Variants in WDR91 observed in about 807,000 individuals in gnomAD.
WDR91 encodes the protein WD repeat domain 91.
A neutral mutation model predicts 88.4 loss-of-function variants in WDR91; 52 were observed. That is an observed-to-expected ratio of 0.59 (90% CI 0.47 to 0.74). The LOEUF (loss-of-function observed/expected upper bound fraction) is 0.74, where lower values mean the gene tolerates loss of function less well. WDR91 is among the 30% of genes least tolerant of loss of function. The pLI is 0.00. For synonymous variants in WDR91, 362 were observed against 389.5 expected (o/e 0.93, Z 0.83); for missense variants, 824 against 954.5 (o/e 0.86, Z 1.80).
intron 6 of WDR91, chr7:135,199,027 C>T (rs897660818): frequency 2.0e-5 from 3 of 152,220 alleles, no homozygotes; most frequent in African/African-American, 7.2e-5. Context: ...TGAATGCAAA[C>T]AGCTACTCAG....
At chr7:135,195,223 G>A in intron 8 of WDR91, 139 bp from the exon 9 acceptor site, 1 of 841,718 alleles carries the variant, frequency 1.2e-6, no homozygotes, top group Non-Finnish European at 1.8e-6. Context: ...CAAAGGACTG[G>A]TATAGACTAT....
intron 5 of WDR91, among the ~76,000 whole-genome samples, chr7:135,204,899 TG>T (rs1408487405): frequency 1.3e-5 from 2 of 152,154 alleles, no homozygotes; most frequent in South Asian, 2.1e-4. Context: ...AACTTCATCT[TG>T]TTTTTTTTTT....
chr7:135,204,586 AT>A, intron 5 of WDR91, 153 bp from the exon 6 acceptor site: 15 of 758,554 alleles, frequency 2.0e-5, no homozygotes, highest in Admixed American at 3.0e-5. Context: ...CCTTGGCATC[AT>A]TTTTTTGCAC....
intron 13 of WDR91, 57 bp from the exon 14 acceptor site, chr7:135,187,226 C>T: frequency 6.3e-7 from 1 of 1,584,654 alleles, no homozygotes; most frequent in Non-Finnish European, 8.6e-7. Flanking sequence ...ATGCAGGCCT[C>T]AAGGAAGAGC....
chr7:135,208,546 C>T (rs1315218744), intron 3 of WDR91, among the ~76,000 whole-genome samples: 7 of 152,216 alleles, frequency 4.6e-5, no homozygotes, highest in African/African-American at 1.7e-4. Context: ...CACCCCACTG[C>T]TGCCACTGTC....
chr7:135,188,389 A>G (rs1360299272), intron 13 of WDR91, 44 bp downstream of exon 13: 19 of 1,563,970 alleles, frequency 1.2e-5, no homozygotes, highest in Non-Finnish European at 1.7e-5. Context: ...GCCGGCCCAC[A>G]TGTCATCCCG....
chr7:135,198,051 C>T lies in WDR91; in HGVS notation c.992G>A (p.Arg331Gln), dbSNP rs746600123. 3.7e-6 allele frequency: 6 copies of T among 1,614,160 alleles called. No homozygotes were observed. The highest frequency in any genetic ancestry group is 4.5e-5 in the East Asian group (2 of 44,872). Residue 331 changes from arginine (R) to glutamine (Q), a missense_variant, in exon 7 of 15, where the codon CGG (arginine) becomes CAG (glutamine). Coordinates refer to ENST00000354475, the MANE Select transcript of WDR91 (RefSeq NM_014149.4). ...CTCCTTGCCATGGTCCTGCAGGCGC[C>T]GCTGCCGGTGCTGTGACCAACCGGA... is the stretch of plus-strand genomic sequence containing the variant. ...GESGWSQHRQ[R>Q]RLQDHGKERK...
chr7:135,208,712 A>ATTT, intron 3 of WDR91, 79 bp downstream of exon 3: 1 of 1,334,572 alleles, frequency 7.5e-7, no homozygotes, highest in Non-Finnish European at 1.0e-6. Flanking sequence ...AAATGCCTGT[A>ATTT]TGGAGACCAG....
At chr7:135,194,602 G>A (rs537929937) in intron 9 of WDR91, among the ~76,000 whole-genome samples, 45 of 152,288 alleles carry the variant, frequency 3.0e-4, no homozygotes, top group African/African-American at 3.8e-4. Flanking sequence ...GGCCTGGCAC[G>A]GGAGGGCGCC....
In WDR91 at chr7:135,193,647, G is replaced by C. The variant is rs1831257740; in HGVS notation, c.1421C>G (p.Thr474Arg). ...RLLLLGSGVG[T>R]VRLYDTEAKK... ...GGCTTCCGTGTCATAGAGACGCACTGTTCCCACACCACTGCCCAGCAAGAG... is the reference window on the plus strand; with the variant it reads ...GGCTTCCGTGTCATAGAGACGCACTCTTCCCACACCACTGCCCAGCAAGAG... The change falls in exon 10 of 15, where the codon ACA (threonine) becomes AGA (arginine). Residue 474 changes from threonine (T) to arginine (R), a missense_variant. Physicochemically the swap from Thr to Arg is moderately conservative, Grantham distance 71. Transcript: ENST00000354475. The C allele has an allele frequency of 1.2e-6, 2 of 1,614,006 alleles. No individual in the cohort carries two copies. Among genetic ancestry groups the C allele is most frequent in the Non-Finnish European group, 1.7e-6 (2 of 1,180,000 alleles).
intron 6 of WDR91, chr7:135,201,362 A>G (rs1258730697): frequency 6.6e-6 from 1 of 152,000 alleles, no homozygotes; most frequent in East Asian, 1.9e-4. Context: ...ACTAAAAAAA[A>G]AAAAAAAAAA....
chr7:135,206,126 T>C, intron 4 of WDR91, 68 bp from the exon 5 acceptor site: 2 of 1,604,980 alleles, frequency 1.2e-6, no homozygotes, highest in Non-Finnish European at 1.7e-6. Context: ...GGAAGATTTC[T>C]AGACACATCG....
At chr7:135,192,115 T>G (rs439240) in intron 11 of WDR91, among the ~76,000 whole-genome samples, 3,059 of 24,438 alleles carry the variant, frequency 0.13, 191 homozygotes, top group African/African-American at 0.19. Context: ...TGTGTTTTTT[T>G]TTTTTTTTTT....
Position 135,211,517 on chromosome 7 carries a change from C to T in WDR91, c.-15G>A, listed in dbSNP as rs1832024237. ...GCCTCCGCCATCGCAGCGCTAGCGTCTTTAGGGGTGGTGCGGTGAGGGACG... is the reference window on the plus strand; with the variant it reads ...GCCTCCGCCATCGCAGCGCTAGCGTTTTTAGGGGTGGTGCGGTGAGGGACG... On this transcript the variant is annotated 5_prime_UTR_variant, in exon 1 of 15. Coordinates refer to ENST00000354475, the MANE Select transcript of WDR91 (RefSeq NM_014149.4). The T allele has an allele frequency of 5.6e-6, 9 of 1,606,766 alleles. No homozygotes were observed. Among genetic ancestry groups the T allele is most frequent in the East Asian group, 4.5e-5 (2 of 44,552 alleles).
chr7:135,186,856 C>T, intron 14 of WDR91, 116 bp downstream of exon 14: 1 of 1,259,436 alleles, frequency 7.9e-7, no homozygotes, highest in East Asian at 2.3e-5. Context: ...AAAGGCATCT[C>T]CACAGCCATG....
rs773167207 is a variant in WDR91, at chr7:135,198,185, C to T, written c.892-34G>A. 3.4e-5 allele frequency: 55 copies of T among 1,596,822 alleles called. No individual in the cohort carries two copies. In the Middle Eastern group the frequency reaches 5.9e-4, roughly 17 times the overall value. On this transcript the variant is annotated intron_variant, in intron 6 of 14. Transcript: ENST00000354475. Reference sequence around the variant, plus strand: ...AAAGAAGCTGGCTGTGAAGTCTCTTCCCATCTGCCCAGGCCATGATAAGCA... The same window carrying T: ...AAAGAAGCTGGCTGTGAAGTCTCTTTCCATCTGCCCAGGCCATGATAAGCA...
chr7:135,198,188 A>G, intron 6 of WDR91, 37 bp from the exon 7 acceptor site: 5 of 1,596,056 alleles, frequency 3.1e-6, no homozygotes, highest in Non-Finnish European at 4.3e-6. Flanking sequence ...GTCTCTTCCC[A>G]TCTGCCCAGG....
At position 135,187,133 on chromosome 7, in the gene WDR91, C is replaced by A. The variant is rs759463242; in HGVS notation, c.1918G>T (p.Val640Leu). Residue 640 changes from valine to leucine, a missense_variant, in exon 14 of 15, where the codon GTA (valine) becomes TTA (leucine). Transcript: ENST00000354475. ...QWNIHKSGLK[V>L]SEYSLPSDAT... ...TCTGAGGGGAGGCTGTACTCGGATA[C>A]CTTGAGGCCACTCTTGTGGATGTTC... 2 of 1,614,230 alleles carry A rather than the reference C, an allele frequency of 1.2e-6. No homozygotes were observed. The highest frequency in any genetic ancestry group is 2.2e-5 in the South Asian group (2 of 91,090).
At position 135,198,091 on chromosome 7, in the gene WDR91, GC is replaced by G. The variant is rs1831439504; in HGVS notation, c.951del (p.Leu318TrpfsTer60). On this transcript the variant is annotated frameshift_variant, in exon 7 of 15. Coordinates refer to ENST00000354475, the MANE Select transcript of WDR91 (RefSeq NM_014149.4). LOFTEE classifies it high-confidence loss of function. ...GACCAACCGGACTCCCCAGTGGCCA[GC>G]CCGCTGAGGAGGCTCTTCCCATCCT... Reference protein sequence around the residue: ...GAKDGKSLLSGLATGESGWSQ... With the variant: ...GAKDGKSLLSXLATGESGWSQ... 6.2e-7 allele frequency: 1 copy of G among 1,614,022 alleles called. No individual in the cohort carries two copies. The highest frequency in any genetic ancestry group is 2.2e-5 in the East Asian group (1 of 44,876).
Sources: gnomAD v4.1 joint callset for allele counts (sites outside exome capture counted in the v4.1 genomes callset) on GRCh38, gnomAD v4.1.1 for gene constraint, MANE v1.5 for transcripts, NCBI Gene and HGNC (gene_info 2026-07-23, HGNC 2026-07-21) for gene names.